Variants in FANCB observed in about 807,000 individuals in gnomAD.
FANCB encodes the protein Fanconi anemia group B protein.
FANCB carries 5 observed loss-of-function variants against 38.9 expected under a neutral mutation model. The observed-to-expected ratio is 0.13, with a 90% CI of 0.07 to 0.27. The LOEUF (loss-of-function observed/expected upper bound fraction) is 0.27, where lower values mean the gene tolerates loss of function less well. Among genes scored for constraint, FANCB ranks in the 10% least tolerant of loss-of-function variants. FANCB has a pLI of 1.00. For synonymous variants in FANCB, 236 were observed against 215.4 expected (o/e 1.10, Z -0.84); for missense variants, 573 against 602.7 (o/e 0.95, Z 0.52).
At chrX:14,695,274 T>C in the FANCB span, among the ~76,000 whole-genome samples, 2 of 111,280 alleles carry the variant, frequency 1.8e-5, no homozygotes, top group African/African-American at 6.5e-5. Context: ...TCACTTGCAA[T>C]TGCCTTTACT....
At chrX:14,855,163 T>A (rs1316443233) in intron 5 of FANCB, among the ~76,000 whole-genome samples, 1 of 111,947 alleles carries the variant, frequency 8.9e-6, no homozygotes, top group Non-Finnish European at 1.9e-5. Context: ...TGTACATGTG[T>A]ACAAGATTCT....
the FANCB span, among the ~76,000 whole-genome samples, chrX:14,786,252 C>G: frequency 9.0e-6 from 1 of 111,522 alleles, no homozygotes; most frequent in African/African-American, 3.3e-5. Context: ...GAGCTGTCAG[C>G]CAGCAGCACC....
chrX:14,782,980 A>G, the FANCB span, among the ~76,000 whole-genome samples: 6 of 111,186 alleles, frequency 5.4e-5, no homozygotes, highest in Non-Finnish European at 1.1e-4. Flanking sequence ...TTATGTCCAT[A>G]ATCTGATACA....
chrX:14,812,172 G>C, the FANCB span, among the ~76,000 whole-genome samples: 1 of 109,800 alleles, frequency 9.1e-6, no homozygotes, highest in Admixed American at 9.7e-5. Flanking sequence ...GCAGTGTGTA[G>C]AGGGAAATTT....
At chrX:14,834,085 G>C (rs770803482), downstream of FANCB, among the ~76,000 whole-genome samples, 2 of 111,736 alleles carry the variant, frequency 1.8e-5, no homozygotes, top group Admixed American at 9.5e-5. Context: ...AAACCACATG[G>C]ATCAAGATCT....
At chrX:14,814,279 A>T in the FANCB span, among the ~76,000 whole-genome samples, 1 of 112,022 alleles carries the variant, frequency 8.9e-6, no homozygotes, top group South Asian at 3.7e-4. Flanking sequence ...GGACTTCATG[A>T]CTAAAACACC....
At chrX:14,828,924 G>C in the FANCB span, among the ~76,000 whole-genome samples, 1 of 111,211 alleles carries the variant, frequency 9.0e-6, no homozygotes, top group Admixed American at 9.6e-5. Context: ...GCCCAGGCTG[G>C]TCTCAAACTC....
At chrX:14,843,399 C>T, downstream of FANCB, 2 of 415,902 alleles carry the variant, frequency 4.8e-6, no homozygotes, top group Non-Finnish European at 8.2e-6. Context: ...GATAAAATGG[C>T]CCTAGTTGAG....
chrX:14,835,098 G>A, downstream of FANCB: 2 of 546,347 alleles, frequency 3.7e-6, no homozygotes, highest in Non-Finnish European at 6.6e-6. Context: ...AGTTGCCAGT[G>A]TTAACTTTAA....
At chrX:14,857,658 T>C (rs1221964944) in intron 5 of FANCB, among the ~76,000 whole-genome samples, 1 of 111,741 alleles carries the variant, frequency 8.9e-6, no homozygotes, top group Non-Finnish European at 1.9e-5. Flanking sequence ...ATAGTCTTAC[T>C]ACAAAAAAGG....
the FANCB span, among the ~76,000 whole-genome samples, chrX:14,704,957 CAGGA>C: frequency 8.9e-6 from 1 of 111,847 alleles, no homozygotes; most frequent in African/African-American, 3.3e-5. Flanking sequence ...TGGCAATTCC[CAGGA>C]AGGGAGAGTA....
chrX:14,729,208 T>A, the FANCB span, among the ~76,000 whole-genome samples: 2 of 112,209 alleles, frequency 1.8e-5, no homozygotes, highest in Admixed American at 1.9e-4. Context: ...ATTATTATTA[T>A]CTGGCAAGAT....
At chrX:14,841,709 G>A (rs1447320936), downstream of FANCB, among the ~76,000 whole-genome samples, 2 of 111,484 alleles carry the variant, frequency 1.8e-5, no homozygotes, top group East Asian at 5.6e-4. Flanking sequence ...TCGTGACCAG[G>A]GCAGTGGTCA....
chrX:14,805,186 A>C, the FANCB span, among the ~76,000 whole-genome samples: 1 of 111,133 alleles, frequency 9.0e-6, no homozygotes, highest in Non-Finnish European at 1.9e-5. Flanking sequence ...ACTTCTCCTG[A>C]TCTCCAAAAA....
chrX:14,815,454 T>A, the FANCB span, among the ~76,000 whole-genome samples: 1 of 111,056 alleles, frequency 9.0e-6, no homozygotes, highest in African/African-American at 3.3e-5. Context: ...TTGCTAATCA[T>A]CAGATAAATG....
the FANCB span, among the ~76,000 whole-genome samples, chrX:14,798,417 C>T: frequency 8.9e-6 from 1 of 111,830 alleles, no homozygotes; most frequent in African/African-American, 3.2e-5. Context: ...CCGCCTCGGC[C>T]TCCCAAAGTG....
At chrX:14,797,867 T>C in the FANCB span, among the ~76,000 whole-genome samples, 1,555 of 110,733 alleles carry the variant, frequency 0.014, 26 homozygotes, top group African/African-American at 0.041. Context: ...CCCCTAGCCT[T>C]TTTGACTTGG....
At chrX:14,781,344 G>A in the FANCB span, among the ~76,000 whole-genome samples, 1 of 110,445 alleles carries the variant, frequency 9.1e-6, no homozygotes, top group Non-Finnish European at 1.9e-5. Flanking sequence ...TGAGGAACGA[G>A]AATCACTTGA....
the FANCB span, among the ~76,000 whole-genome samples, chrX:14,736,298 C>T: frequency 9.0e-6 from 1 of 111,094 alleles, no homozygotes; most frequent in East Asian, 2.8e-4. Flanking sequence ...AAAAAAACTC[C>T]TACAGCTAGC....
Sources: gnomAD v4.1 joint callset for allele counts (sites outside exome capture counted in the v4.1 genomes callset) on GRCh38, gnomAD v4.1.1 for gene constraint, MANE v1.5 for transcripts, NCBI Gene and HGNC (gene_info 2026-07-23, HGNC 2026-07-21) for gene names.